The following KCNT2 variants were observed in gnomAD, a reference collection of about 807,000 sequenced individuals.
KCNT2 encodes the protein potassium channel subfamily T member 2.
A neutral mutation model predicts 153.8 loss-of-function variants in KCNT2; 67 were observed. The ratio of observed to expected loss-of-function variants is 0.44; its 90% confidence interval spans 0.36 to 0.53. The LOEUF (loss-of-function observed/expected upper bound fraction) is 0.53, where lower values mean the gene tolerates loss of function less well. Ranked by LOEUF, KCNT2 falls within the 20% of genes least tolerant of loss-of-function variation. KCNT2 has a pLI of 0.00. For synonymous variants in KCNT2, 500 were observed against 458.8 expected (o/e 1.09, Z -1.15); for missense variants, 975 against 1,354.8 (o/e 0.72, Z 4.40).
At chr1:196,327,314 A>G (rs975675343) in intron 18 of KCNT2, among the ~76,000 whole-genome samples, 8 of 149,028 alleles carry the variant, frequency 5.4e-5, no homozygotes, top group African/African-American at 1.5e-4. Flanking sequence ...TAAAACAGTG[A>G]AAAAAAAAAC....
intron 8 of KCNT2, among the ~76,000 whole-genome samples, chr1:196,449,628 A>G (rs1675978615): frequency 6.6e-6 from 1 of 151,626 alleles, no homozygotes; most frequent in African/African-American, 2.4e-5. Flanking sequence ...CCTGGGAAAG[A>G]TCATGGACAA....
chr1:196,457,638 C>G (rs755815896), intron 8 of KCNT2, among the ~76,000 whole-genome samples: 4 of 151,756 alleles, frequency 2.6e-5, no homozygotes, highest in Middle Eastern at 3.4e-3. Flanking sequence ...GTATTAAGAA[C>G]AACCTAGATA....
chr1:196,515,378 G>A lies in KCNT2; in HGVS notation c.96-23037C>T, dbSNP rs544596828. On this transcript the variant is annotated intron_variant, in intron 1 of 27. Transcript: ENST00000294725. ...TATAAAATAGATGATAAACTGTGAA[G>A]ACTATTAATAGCATGCAAACTTGCT... Among the ~76,000 whole-genome samples the A allele has an allele frequency of 2.0e-5, 3 of 152,254 alleles. No individual in the cohort carries two copies. In the East Asian group the frequency reaches 5.8e-4, roughly 29 times the overall value.
intron 3 of KCNT2, among the ~76,000 whole-genome samples, chr1:196,483,388 A>T (rs1163065605): frequency 6.6e-6 from 1 of 152,164 alleles, no homozygotes; most frequent in Non-Finnish European, 1.5e-5. Context: ...TACCAGTGGG[A>T]ACACTGCACC....
chr1:196,439,885 G>C (rs142944037), intron 8 of KCNT2, among the ~76,000 whole-genome samples: 100 of 151,948 alleles, frequency 6.6e-4, no homozygotes, highest in South Asian at 2.3e-3. Flanking sequence ...ACCAAGGCCT[G>C]TCGGTGGGTG....
At chr1:196,477,945 C>T (rs1322966885) in intron 5 of KCNT2, among the ~76,000 whole-genome samples, 3 of 152,202 alleles carry the variant, frequency 2.0e-5, no homozygotes, top group Admixed American at 1.3e-4. Context: ...TCCAGATTCT[C>T]ATTCTCAATT....
chr1:196,598,815 G>T (rs74654440), intron 1 of KCNT2, among the ~76,000 whole-genome samples: 1 of 152,170 alleles, frequency 6.6e-6, no homozygotes, highest in African/African-American at 2.4e-5. Context: ...ATTAAATAAA[G>T]TAATACGTAA....
chr1:196,410,066 C>T (rs1320688507), intron 12 of KCNT2, among the ~76,000 whole-genome samples: 4 of 151,574 alleles, frequency 2.6e-5, no homozygotes, highest in Admixed American at 6.6e-5. Flanking sequence ...TCTGTTCAAA[C>T]GTGATACTTG....
chr1:196,230,308 A>C (rs1653837733), intron 27 of KCNT2, among the ~76,000 whole-genome samples: 1 of 152,138 alleles, frequency 6.6e-6, no homozygotes, highest in African/African-American at 2.4e-5. Flanking sequence ...AAATGGAAAA[A>C]CAAAGCCTGA....
At chr1:196,387,929 C>CTTT (rs1171819729) in intron 13 of KCNT2, among the ~76,000 whole-genome samples, 1 of 130,664 alleles carries the variant, frequency 7.7e-6, no homozygotes, top group African/African-American at 2.8e-5. Flanking sequence ...GCCAATTTTT[C>CTTT]TTTTTTTTTT....
At chr1:196,281,318 A>G (rs2147869639) in intron 24 of KCNT2, among the ~76,000 whole-genome samples, 1 of 152,348 alleles carries the variant, frequency 6.6e-6, no homozygotes. Flanking sequence ...ACATTATATT[A>G]GTTCGTTATC....
At chr1:196,508,188 G>T in intron 1 of KCNT2, among the ~76,000 whole-genome samples, 1 of 13,702 alleles carries the variant, frequency 7.3e-5, no homozygotes, top group Non-Finnish European at 1.5e-4. Context: ...TCCCTAAGTA[G>T]CAAAAAAAAA....
intron 19 of KCNT2, among the ~76,000 whole-genome samples, chr1:196,325,848 A>G (rs1663795358): frequency 1.3e-5 from 2 of 152,122 alleles, no homozygotes; most frequent in Admixed American, 1.3e-4. Context: ...GTAAAGTGAG[A>G]ATAAACAACA....
intron 8 of KCNT2, among the ~76,000 whole-genome samples, chr1:196,445,691 G>A (rs979509810): frequency 6.6e-6 from 1 of 151,328 alleles, no homozygotes; most frequent in African/African-American, 2.4e-5. Flanking sequence ...TCCCTTCTAA[G>A]AGATGGTTAA....
intron 1 of KCNT2, among the ~76,000 whole-genome samples, chr1:196,555,357 A>C (rs1224668140): frequency 6.6e-6 from 1 of 151,544 alleles, no homozygotes; most frequent in Non-Finnish European, 1.5e-5. Flanking sequence ...ATATGCCAAC[A>C]GTTAAAAATC....
chr1:196,608,212 C>A lies in KCNT2; in HGVS notation c.95+3G>T. On this transcript the variant is annotated splice_donor_region_variant and intron_variant, in intron 1 of 27. Transcript: ENST00000294725. Reference sequence around the variant, plus strand: ...CAGAACAATCCTCCACCACACCACTCACCTGTCGTCGTTTTGCCATCCTTG... The same window carrying A: ...CAGAACAATCCTCCACCACACCACTAACCTGTCGTCGTTTTGCCATCCTTG... The A allele has an allele frequency of 6.2e-7, 1 of 1,613,608 alleles. No homozygotes were observed. Among genetic ancestry groups the A allele is most frequent in the Non-Finnish European group, 8.5e-7 (1 of 1,179,552 alleles).
At chr1:196,345,913 A>G (rs1352380762) in intron 14 of KCNT2, among the ~76,000 whole-genome samples, 1 of 152,146 alleles carries the variant, frequency 6.6e-6, no homozygotes. Context: ...TAAATACAAA[A>G]TGTTAAATAA....
At chr1:196,451,118 C>A (rs966832473) in intron 8 of KCNT2, among the ~76,000 whole-genome samples, 2 of 149,870 alleles carry the variant, frequency 1.3e-5, no homozygotes, top group Non-Finnish European at 3.0e-5. Context: ...ATTTTAATTA[C>A]TGCTCCAGCT....
intron 12 of KCNT2, among the ~76,000 whole-genome samples, chr1:196,422,256 A>G (rs970912256): frequency 6.6e-6 from 1 of 152,024 alleles, no homozygotes; most frequent in African/African-American, 2.4e-5. Flanking sequence ...TAAGTGCTCC[A>G]GAAGAGAATA....
Sources: gnomAD v4.1 joint callset for allele counts (sites outside exome capture counted in the v4.1 genomes callset) on GRCh38, gnomAD v4.1.1 for gene constraint, MANE v1.5 for transcripts, NCBI Gene and HGNC (gene_info 2026-07-23, HGNC 2026-07-21) for gene names.